The following CNTLN variants were observed in gnomAD, a reference collection of about 807,000 sequenced individuals.
CNTLN encodes the protein centlein.
In CNTLN, 212 loss-of-function variants were observed where a neutral mutation model predicts 180.0. The observed-to-expected ratio is 1.18, with a 90% CI of 1.05 to 1.32. The LOEUF is 1.32. CNTLN is among the 40% of genes most tolerant of loss of function. CNTLN has a pLI of 0.00. For missense variants in CNTLN, 2,095 were observed against 1,610.9 expected, an observed-to-expected ratio of 1.30 and a Z score of -5.14; for synonymous variants, 722 against 563.1, an observed-to-expected ratio of 1.28 and a Z score of -3.99.
At chr9:17,268,494 C>T (rs1295314915) in intron 5 of CNTLN, among the ~76,000 whole-genome samples, 2 of 152,170 alleles carry the variant, frequency 1.3e-5, no homozygotes, top group Non-Finnish European at 2.9e-5. Context: ...GTCAGGGACC[C>T]TCTTGAGGAG....
At chr9:17,517,579 G>A in the CNTLN span, among the ~76,000 whole-genome samples, 7 of 152,006 alleles carry the variant, frequency 4.6e-5, no homozygotes, top group Non-Finnish European at 8.8e-5. Context: ...GAGGGAAGAG[G>A]ACCATGTGCA....
At position 17,273,731 on chromosome 9, in the gene CNTLN, A is replaced by G; in HGVS notation, c.850-2A>G. On this transcript the variant is annotated splice_acceptor_variant, in intron 5 of 25. Coordinates refer to ENST00000380647, the MANE Select transcript of CNTLN (RefSeq NM_017738.4). LOFTEE classifies it high-confidence loss of function. ...TTATTGATATAAGCACTCTAATTTT[A>G]GACCTTTGAAGACAATTTAATTGAA... is the stretch of plus-strand genomic sequence containing the variant. 6.8e-7 allele frequency: 1 copy of G among 1,477,204 alleles called. No homozygotes were observed. Among genetic ancestry groups the G allele is most frequent in the Non-Finnish European group, 9.1e-7 (1 of 1,099,136 alleles). The allele number at this position is 1,477,204 out of a possible 1,614,324, so 91.5% of individuals were successfully genotyped here.
At position 17,217,948 on chromosome 9, in the gene CNTLN, A is replaced by G. The variant is rs117723740; in HGVS notation, c.450-8255A>G. Among the ~76,000 whole-genome samples the G allele has an allele frequency of 5.9e-5, 9 of 152,264 alleles. No individual in the cohort carries two copies. In the East Asian group the frequency reaches 1.5e-3, roughly 26 times the overall value. On this transcript the variant is annotated intron_variant, in intron 2 of 25. Coordinates refer to ENST00000380647, the MANE Select transcript of CNTLN (RefSeq NM_017738.4). ...AGAGTATCTGATCTTATTTAATACTATATTTAATATAAGCAGATGTGTTCT... is the reference window on the plus strand; with the variant it reads ...AGAGTATCTGATCTTATTTAATACTGTATTTAATATAAGCAGATGTGTTCT...
At chr9:17,216,928 C>T (rs1403775702) in intron 2 of CNTLN, among the ~76,000 whole-genome samples, 2 of 152,196 alleles carry the variant, frequency 1.3e-5, no homozygotes, top group African/African-American at 4.8e-5. Context: ...CCACCCAGGG[C>T]ATAAATGTAT....
intron 18 of CNTLN, among the ~76,000 whole-genome samples, chr9:17,435,272 C>T (rs1829698732): frequency 6.6e-6 from 1 of 152,178 alleles, no homozygotes; most frequent in Non-Finnish European, 1.5e-5. Context: ...AAGAGAGGCA[C>T]TCATTCTGGT....
At chr9:17,278,995 T>C (rs1258963915) in intron 6 of CNTLN, among the ~76,000 whole-genome samples, 2 of 152,124 alleles carry the variant, frequency 1.3e-5, no homozygotes, top group Non-Finnish European at 2.9e-5. Flanking sequence ...TTGAGGAGAT[T>C]ATTACATCTT....
intron 2 of CNTLN, chr9:17,167,855 A>G (rs1377793118): frequency 1.3e-5 from 2 of 152,200 alleles, no homozygotes; most frequent in African/African-American, 2.4e-5. Flanking sequence ...TACACCTGCC[A>G]TGTAAACACT....
chr9:17,414,038 GCTAA>G (rs531244067), intron 16 of CNTLN, among the ~76,000 whole-genome samples: 166 of 152,310 alleles, frequency 1.1e-3, no homozygotes, highest in Middle Eastern at 3.4e-3. Context: ...ATAAAAAGGA[GCTAA>G]CTATTGACGT....
chr9:17,511,648 T>TCTCTCACACACACA, the CNTLN span, among the ~76,000 whole-genome samples: 2 of 146,582 alleles, frequency 1.4e-5, no homozygotes, highest in Admixed American at 6.8e-5. Flanking sequence ...TCTCTCTCTC[T>TCTCTCACACACACA]CACACACACA....
At chr9:17,406,024 A>T (rs2584547) in intron 15 of CNTLN, among the ~76,000 whole-genome samples, 1 of 151,370 alleles carries the variant, frequency 6.6e-6, no homozygotes, top group African/African-American at 2.4e-5. Flanking sequence ...CTGTCAACTT[A>T]GCATCATACT....
chr9:17,253,610 A>C (rs1449185718), intron 5 of CNTLN, among the ~76,000 whole-genome samples: 1 of 150,568 alleles, frequency 6.6e-6, no homozygotes, highest in Non-Finnish European at 1.5e-5. Context: ...TTTGTACATG[A>C]TTTTGTATCC....
intron 23 of CNTLN, among the ~76,000 whole-genome samples, chr9:17,477,285 C>T (rs1238560387): frequency 6.6e-6 from 1 of 152,222 alleles, no homozygotes; most frequent in African/African-American, 2.4e-5. Context: ...ATGCTGTTTT[C>T]ATGCCTGCTA....
intron 25 of CNTLN, among the ~76,000 whole-genome samples, chr9:17,487,615 A>T (rs1272383045): frequency 1.3e-5 from 2 of 152,132 alleles, no homozygotes; most frequent in Non-Finnish European, 2.9e-5. Context: ...AAGAATGAAA[A>T]AATTTCCACC....
At chr9:17,511,647 C>CTG in the CNTLN span, among the ~76,000 whole-genome samples, 1 of 93,660 alleles carries the variant, frequency 1.1e-5, no homozygotes, top group African/African-American at 3.6e-5. Context: ...CTCTCTCTCT[C>CTG]TCACACACAC....
chr9:17,502,426 G>A, intron 25 of CNTLN, 125 bp from the exon 26 acceptor site: 1 of 506,376 alleles, frequency 2.0e-6, no homozygotes, highest in East Asian at 3.7e-5. Context: ...AAGAGATCCA[G>A]TAGGGTACCA....
chr9:17,302,163 TTA>T (rs1818414097), intron 7 of CNTLN: 1 of 955,528 alleles, frequency 1.0e-6, no homozygotes, highest in Admixed American at 6.2e-5. Flanking sequence ...AGACTTCCTT[TTA>T]TGAAGCTATA....
chr9:17,327,298 G>T (rs985818366), intron 8 of CNTLN, among the ~76,000 whole-genome samples: 1 of 34,196 alleles, frequency 2.9e-5, no homozygotes, highest in Non-Finnish European at 8.1e-5. Flanking sequence ...TGCAAACTCC[G>T]CCTCCCAGGT....
intron 25 of CNTLN, among the ~76,000 whole-genome samples, chr9:17,494,395 G>A (rs1217180404): frequency 1.3e-5 from 2 of 151,984 alleles, no homozygotes; most frequent in Non-Finnish European, 2.9e-5. Flanking sequence ...TTAGGTTTAG[G>A]ACTACATGTG....
At chr9:17,181,402 T>TCTAA (rs1491088177) in intron 2 of CNTLN, among the ~76,000 whole-genome samples, 2 of 152,360 alleles carry the variant, frequency 1.3e-5, no homozygotes, top group East Asian at 3.9e-4. Flanking sequence ...GCTTAGACTT[T>TCTAA]CTGTTTCTTT....
Sources: gnomAD v4.1 joint callset for allele counts (sites outside exome capture counted in the v4.1 genomes callset) on GRCh38, gnomAD v4.1.1 for gene constraint, MANE v1.5 for transcripts, NCBI Gene and HGNC (gene_info 2026-07-23, HGNC 2026-07-21) for gene names.